RBPJ: variants seen among roughly 807,000 people sequenced by gnomAD.
The protein encoded by RBPJ is recombining binding protein suppressor of hairless.
RBPJ carries 9 observed loss-of-function variants against 67.8 expected under a neutral mutation model. That is an observed-to-expected ratio of 0.13 (90% confidence interval 0.08 to 0.23). The LOEUF (loss-of-function observed/expected upper bound fraction) is 0.23. Ranked by LOEUF, RBPJ falls within the 10% of genes least tolerant of loss-of-function variation. The probability of loss-of-function intolerance (pLI) is 1.00; values close to 1 mark genes in which losing one functional copy is unlikely to be tolerated. For missense variants in RBPJ, 305 were observed against 595.6 expected, an observed-to-expected ratio of 0.51 and a Z score of 5.08; for synonymous variants, 198 against 203.3, an observed-to-expected ratio of 0.97 and a Z score of 0.22.
chr4:26,198,840 C>T (rs763014820), intron 1 of RBPJ, among the ~76,000 whole-genome samples: 13 of 152,074 alleles, frequency 8.5e-5, no homozygotes, highest in Non-Finnish European at 2.9e-5. Context: ...GAAGAAGAAA[C>T]TCACTTTTTG....
intron 1 of RBPJ, among the ~76,000 whole-genome samples, chr4:26,242,703 G>C (rs1364595795): frequency 5.9e-5 from 4 of 67,636 alleles, no homozygotes. Context: ...CCCACTCATA[G>C]TTAAAAAAAA....
intron 1 of RBPJ, among the ~76,000 whole-genome samples, chr4:26,284,763 C>T (rs572938356): frequency 1.3e-5 from 2 of 152,028 alleles, no homozygotes; most frequent in South Asian, 2.1e-4. Flanking sequence ...ACTGTGCCCC[C>T]GGCTGAACTC....
chr4:26,255,532 G>A (rs1720300453), intron 1 of RBPJ, among the ~76,000 whole-genome samples: 1 of 151,304 alleles, frequency 6.6e-6, no homozygotes, highest in Non-Finnish European at 1.5e-5. Context: ...GCCGGGCGTG[G>A]TGGCTCAAGC....
Position 26,233,619 on chromosome 4 carries a change from T to C in RBPJ, c.-167+70005T>C, listed in dbSNP as rs116803533. ...ATTGGGATCCTTAGTACCTTCACCA[T>C]TGTTATAACTCCTTTTCATTTTCAG... On this transcript the variant is annotated intron_variant, in intron 1 of 4. Coordinates refer to the RBPJ transcript ENST00000512351. Among the ~76,000 whole-genome samples the C allele has an allele frequency of 6.0e-3, 915 of 152,226 alleles. 7 individuals are homozygous for C. Among genetic ancestry groups the C allele is most frequent in the Middle Eastern group, 0.014 (4 of 294 alleles).
At position 26,430,331 on chromosome 4, in the gene RBPJ, C is replaced by A. The variant is rs1736091823; in HGVS notation, c.1045-88C>A. On this transcript the variant is annotated intron_variant, in intron 9 of 10. Coordinates refer to ENST00000355476, the MANE Select transcript of RBPJ (RefSeq NM_015874.6). The surrounding 1 kb of genome is among the most constrained non-coding windows in gnomAD (Gnocchi z 4.1). ...TTTAATTGCCCTTTTTTAAAAAAAACAAATGAAAGTTGAATGAGAATCTAA... is the reference window on the plus strand; with the variant it reads ...TTTAATTGCCCTTTTTTAAAAAAAAAAAATGAAAGTTGAATGAGAATCTAA... 2 of 1,159,310 alleles carry A rather than the reference C, an allele frequency of 1.7e-6. No homozygotes were observed. Among genetic ancestry groups the A allele is most frequent in the East Asian group, 2.4e-5 (1 of 41,786 alleles). The allele number at this position is 1,159,310 out of a possible 1,614,324, so 71.8% of individuals were successfully genotyped here.
At chr4:26,420,448 G>T in intron 4 of RBPJ, 103 bp from the exon 5 acceptor site, 1 of 678,448 alleles carries the variant, frequency 1.5e-6, no homozygotes, top group South Asian at 3.4e-5. Context: ...CTATCCCTTG[G>T]AATTGTTTTA....
At chr4:26,425,600 TC>T (rs111305579) in intron 7 of RBPJ, among the ~76,000 whole-genome samples, 3 of 152,058 alleles carry the variant, frequency 2.0e-5, no homozygotes, top group African/African-American at 7.3e-5. Context: ...CAGAATGAGA[TC>T]CTATCTCAAC....
chr4:26,270,425 GAAAGAAAGAAAGAAGA>G (rs1362771981), intron 1 of RBPJ, among the ~76,000 whole-genome samples: 133 of 53,578 alleles, frequency 2.5e-3, no homozygotes, highest in Admixed American at 3.3e-3. Context: ...AAGAAAGAAA[GAAAGAAAGAAAGAAGA>G]AAGAAAGAAA....
intron 1 of RBPJ, among the ~76,000 whole-genome samples, chr4:26,199,320 T>A (rs1717898407): frequency 6.6e-6 from 1 of 152,166 alleles, no homozygotes; most frequent in Admixed American, 6.5e-5. Context: ...GGTGTGCGCC[T>A]GTAGTCCCAG....
intron 1 of RBPJ, among the ~76,000 whole-genome samples, chr4:26,255,587 G>A (rs1720305435): frequency 1.3e-5 from 2 of 149,630 alleles, no homozygotes; most frequent in East Asian, 4.0e-4. Context: ...CGGATCACGA[G>A]GTCGGGAGAT....
chr4:26,263,063 C>G (rs1425200079), intron 1 of RBPJ, among the ~76,000 whole-genome samples: 2 of 152,180 alleles, frequency 1.3e-5, no homozygotes, highest in African/African-American at 4.8e-5. Flanking sequence ...GTTTTCCTGC[C>G]CCAGATTATG....
the RBPJ span, among the ~76,000 whole-genome samples, chr4:26,118,536 T>C: frequency 6.6e-6 from 1 of 152,112 alleles, no homozygotes; most frequent in African/African-American, 2.4e-5. Context: ...AGCAGGCAGG[T>C]ATGAAAGATC....
At chr4:26,242,620 T>C (rs1383080740) in intron 1 of RBPJ, among the ~76,000 whole-genome samples, 1 of 147,034 alleles carries the variant, frequency 6.8e-6, no homozygotes, top group Non-Finnish European at 1.5e-5. Context: ...AAAGTAATGG[T>C]GGATAAAGTT....
intron 1 of RBPJ, among the ~76,000 whole-genome samples, chr4:26,376,642 G>A (rs928198785): frequency 1.3e-5 from 2 of 152,100 alleles, no homozygotes; most frequent in African/African-American, 4.8e-5. Context: ...CTGAGTATAT[G>A]CTCAGGAGTG....
rs372605359 is a variant in RBPJ, at chr4:26,331,391, G to GT, written c.20+10354dup. On this transcript the variant is annotated intron_variant, in intron 1 of 10. Coordinates refer to ENST00000355476, the MANE Select transcript of RBPJ (RefSeq NM_015874.6). The stretch of plus-strand genomic sequence containing the variant: ...TGTGAACCCCTGTACCCAACGTTAT[G>GT]TTTTTTTTTTTCCCATACCTTTCTA... 1.9e-3 allele frequency among the ~76,000 whole-genome samples: 287 copies of GT among 147,342 alleles called. 2 individuals carry two copies. The highest frequency in any genetic ancestry group is 3.8e-3 in the African/African-American group (152 of 40,442).
At chr4:26,306,026 T>C (rs1722227470) in intron 1 of RBPJ, among the ~76,000 whole-genome samples, 1 of 81,694 alleles carries the variant, frequency 1.2e-5, no homozygotes, top group African/African-American at 5.5e-5. Context: ...GCTCAGGTGA[T>C]CCACCCACCT....
chr4:26,274,096 A>G (rs866685178), intron 1 of RBPJ, among the ~76,000 whole-genome samples: 5 of 152,126 alleles, frequency 3.3e-5, no homozygotes, highest in Non-Finnish European at 4.4e-5. Context: ...ATTGTTCTCC[A>G]TAACACTTCT....
chr4:26,144,287 T>TTG, the RBPJ span, among the ~76,000 whole-genome samples: 3 of 149,350 alleles, frequency 2.0e-5, no homozygotes, highest in South Asian at 2.2e-4. Context: ...TTTTTTTTTT[T>TTG]TGAGACACAG....
rs184837886 is a variant in RBPJ, at chr4:26,198,857, C to T, written c.-167+35243C>T. ...AGAAGAAACTCACTTTTTGCTAAGT[C>T]TCACAGCTTGCAGGATCATAACCAC... On this transcript the variant is annotated intron_variant, in intron 1 of 4. Transcript: ENST00000512351. Among the ~76,000 whole-genome samples, 223 of 152,180 alleles carry T rather than the reference C, an allele frequency of 1.5e-3. 1 individual carries two copies. Among genetic ancestry groups the T allele is most frequent in the African/African-American group, 4.9e-3 (202 of 41,524 alleles).
Sources: allele counts gnomAD v4.1 joint callset (sites outside exome capture counted in the v4.1 genomes callset), GRCh38; gene constraint gnomAD v4.1.1; non-coding constraint Gnocchi (gnomAD v3.1); transcripts MANE v1.5; gene names NCBI Gene and HGNC (gene_info 2026-07-23, HGNC 2026-07-21).